KAZN: variants seen among roughly 807,000 people sequenced by gnomAD.
The protein encoded by KAZN is kazrin, periplakin interacting protein.
KAZN carries 40 observed loss-of-function variants against 87.4 expected under a neutral mutation model. That is an observed-to-expected ratio of 0.46 (90% CI 0.36 to 0.60). The LOEUF (loss-of-function observed/expected upper bound fraction) is 0.60, where lower values mean the gene tolerates loss of function less well. Ranked by LOEUF, KAZN falls within the 20% of genes least tolerant of loss-of-function variation. The pLI is 0.00. For missense variants in KAZN, 898 were observed against 1,073.9 expected, an observed-to-expected ratio of 0.84 and a Z score of 2.29; for synonymous variants, 466 against 458.3, an observed-to-expected ratio of 1.02 and a Z score of -0.22.
chr1:14,102,904 T>A (rs924968785), intron 1 of KAZN, among the ~76,000 whole-genome samples: 3 of 148,698 alleles, frequency 2.0e-5, no homozygotes, highest in Non-Finnish European at 3.0e-5. Context: ...ATTTGAATAC[T>A]AATCTCTCTC....
intron 1 of KAZN, among the ~76,000 whole-genome samples, chr1:14,945,071 C>T (rs1457457580): frequency 6.6e-6 from 1 of 152,202 alleles, no homozygotes; most frequent in African/African-American, 2.4e-5. Context: ...GCTTTCTGTT[C>T]TTGGGCAGGC....
At chr1:14,419,812 C>T (rs1192948535) in intron 2 of KAZN, among the ~76,000 whole-genome samples, 4 of 151,954 alleles carry the variant, frequency 2.6e-5, no homozygotes, top group African/African-American at 7.2e-5. Flanking sequence ...CCGGTGGGTT[C>T]GGGGTCTCGC....
At position 14,946,728 on chromosome 1, in the gene KAZN, A is replaced by G. The variant is rs143940327; in HGVS notation, c.227-13956A>G. 3.3e-3 allele frequency among the ~76,000 whole-genome samples: 505 copies of G among 152,232 alleles called. 9 individuals carry two copies. In the East Asian group the frequency reaches 0.046, roughly 14 times the overall value. ...AGCAGAATTATTTACATCTGCAGGG[A>G]CTGTCAGCATGCCTTACTCATTTTG... On this transcript the variant is annotated intron_variant, in intron 1 of 14. Coordinates refer to ENST00000376030, the MANE Select transcript of KAZN (RefSeq NM_201628.3).
chr1:14,822,016 G>A (rs1646749760), intron 1 of KAZN, among the ~76,000 whole-genome samples: 3 of 152,318 alleles, frequency 2.0e-5, no homozygotes, highest in African/African-American at 7.2e-5. Flanking sequence ...ACAACATGCT[G>A]CTACTAAAGA....
At chr1:14,913,161 C>A (rs1283460510) in intron 1 of KAZN, among the ~76,000 whole-genome samples, 1 of 152,152 alleles carries the variant, frequency 6.6e-6, no homozygotes, top group African/African-American at 2.4e-5. Flanking sequence ...CAAGTTTAAA[C>A]CCCTGCCCAT....
rs79853374 is a variant in KAZN, at chr1:14,234,792, T to C, written c.249+54200T>C. Among the ~76,000 whole-genome samples the C allele has an allele frequency of 6.7e-3, 1,028 of 152,298 alleles. 14 individuals carry two copies. Among genetic ancestry groups the C allele is most frequent in the African/African-American group, 0.023 (969 of 41,542 alleles). ...AAGCAAAGGAGAGCTTTTTGAAAAA[T>C]TGCCTATGCAACCTTTTGGCAAAGC... On this transcript the variant is annotated intron_variant, in intron 2 of 16. Transcript: ENST00000636203.
intron 1 of KAZN, among the ~76,000 whole-genome samples, chr1:14,808,202 A>G (rs1174932398): frequency 6.6e-6 from 1 of 151,682 alleles, no homozygotes; most frequent in Non-Finnish European, 1.5e-5. Flanking sequence ...GTTCTAGACC[A>G]TGTGACTCTG....
intron 1 of KAZN, among the ~76,000 whole-genome samples, chr1:14,004,591 C>G (rs1430826283): frequency 4.6e-5 from 7 of 152,120 alleles, no homozygotes; most frequent in Non-Finnish European, 1.5e-5. Flanking sequence ...TGAGAATTTC[C>G]TAGGGAGTAC....
intron 1 of KAZN, among the ~76,000 whole-genome samples, chr1:14,862,528 A>C (rs956411422): frequency 2.0e-5 from 3 of 152,158 alleles, no homozygotes; most frequent in Non-Finnish European, 4.4e-5. Flanking sequence ...CCTGGGAATG[A>C]AGAGAGATTA....
intron 2 of KAZN, among the ~76,000 whole-genome samples, chr1:14,562,475 A>G (rs2148530227): frequency 6.6e-6 from 1 of 152,328 alleles, no homozygotes; most frequent in Non-Finnish European, 1.5e-5. Flanking sequence ...CAAGGTAGTA[A>G]TAGTTATTGA....
rs1639998361 is a variant in KAZN, at chr1:15,081,399, C to T, written c.1223-12781C>T. Among the ~76,000 whole-genome samples the T allele has an allele frequency of 6.6e-6, 1 of 152,200 alleles. No individual in the cohort carries two copies. The highest frequency in any genetic ancestry group is 2.4e-5 in the African/African-American group (1 of 41,458). On this transcript the variant is annotated intron_variant, in intron 8 of 14. Transcript: ENST00000376030. This position sits in a 1 kb window ranked among gnomAD's most constrained non-coding sequence, Gnocchi z 4.1. The stretch of plus-strand genomic sequence containing the variant: ...GTTGTTAAACGTGGTTGGGCCCTTG[C>T]TAGGGACTAGAGATGTCTAGGGAGC...
chr1:14,799,916 G>T (rs768764834), intron 1 of KAZN, among the ~76,000 whole-genome samples: 2 of 152,184 alleles, frequency 1.3e-5, no homozygotes, highest in Middle Eastern at 3.4e-3. Context: ...CTAATGAAAC[G>T]GTATTAGATA....
At position 14,520,915 on chromosome 1, in the gene KAZN, T is replaced by C. The variant is rs528303704; in HGVS notation, c.250-78068T>C. On this transcript the variant is annotated intron_variant, in intron 2 of 16. Coordinates refer to the KAZN transcript ENST00000636203. ...TGTTCATCCATCCAGCTCCATTCCC[T>C]GGGCAGGGCAGGTTCCCCTAAGGCA... Among the ~76,000 whole-genome samples the C allele has an allele frequency of 3.3e-5, 5 of 152,270 alleles. No homozygotes were observed. The East Asian group carries it at 9.7e-4, about 29-fold the overall frequency.
At chr1:14,670,133 C>G (rs191011305) in intron 1 of KAZN, among the ~76,000 whole-genome samples, 7 of 152,028 alleles carry the variant, frequency 4.6e-5, no homozygotes, top group Non-Finnish European at 8.8e-5. Flanking sequence ...TTTTCATTCC[C>G]TTCCCTTTTT....
At chr1:14,953,515 G>A (rs182258496) in intron 1 of KAZN, among the ~76,000 whole-genome samples, 46 of 152,358 alleles carry the variant, frequency 3.0e-4, no homozygotes, top group African/African-American at 1.1e-3. Flanking sequence ...TCTATAAACT[G>A]TGGATGATAA....
chr1:14,293,266 T>C (rs1653853296), intron 2 of KAZN, among the ~76,000 whole-genome samples: 1 of 152,162 alleles, frequency 6.6e-6, no homozygotes, highest in Non-Finnish European at 1.5e-5. Context: ...CCTTCAAACC[T>C]GAGATTCTAT....
Position 14,281,746 on chromosome 1 carries a change from A to G in KAZN, c.249+101154A>G, listed in dbSNP as rs1189152547. On this transcript the variant is annotated intron_variant, in intron 2 of 16. Coordinates refer to the KAZN transcript ENST00000636203. ...AAGAAAAGTACAGAACTTGGCATAG[A>G]GAATAAAGAAATGAACAACAGAGAC... 3.9e-5 allele frequency among the ~76,000 whole-genome samples: 6 copies of G among 152,238 alleles called. No individual in the cohort carries two copies. In the East Asian group the frequency reaches 1.2e-3, roughly 29 times the overall value.
intron 1 of KAZN, among the ~76,000 whole-genome samples, chr1:14,829,345 A>G (rs1403818142): frequency 6.6e-6 from 1 of 152,238 alleles, no homozygotes; most frequent in Non-Finnish European, 1.5e-5. Flanking sequence ...TTATTTAGGA[A>G]CATGTAACAG....
chr1:14,464,803 A>G (rs1185622690), intron 2 of KAZN, among the ~76,000 whole-genome samples: 3 of 151,954 alleles, frequency 2.0e-5, no homozygotes, highest in African/African-American at 7.2e-5. Context: ...CACCTCCCAA[A>G]GTGCTGGGAT....
Sources: gnomAD v4.1 joint callset for allele counts (sites outside exome capture counted in the v4.1 genomes callset) on GRCh38, gnomAD v4.1.1 for gene constraint, Gnocchi (gnomAD v3.1) non-coding constraint, MANE v1.5 for transcripts, NCBI Gene and HGNC (gene_info 2026-07-23, HGNC 2026-07-21) for gene names.